The following CENPT variants were observed in gnomAD, a reference collection of about 807,000 sequenced individuals.
The protein encoded by CENPT is centromere protein T, also known as interphase centromere complex protein 22.
CENPT carries 42 observed loss-of-function variants against 59.7 expected under a neutral mutation model. The observed-to-expected ratio is 0.70, with a 90% CI of 0.55 to 0.91. The LOEUF (loss-of-function observed/expected upper bound fraction) is 0.91. Ranked by LOEUF, CENPT falls within the 40% of genes least tolerant of loss-of-function variation. The pLI, the probability that CENPT is intolerant of heterozygous loss-of-function variation, is 0.00. For missense variants in CENPT, 716 were observed against 713.4 expected, an observed-to-expected ratio of 1.00 and a Z score of -0.04; for synonymous variants, 295 against 289.6, an observed-to-expected ratio of 1.02 and a Z score of -0.19.
chr16:67,834,441 C>G (rs1260242511), intron 3 of CENPT, among the ~76,000 whole-genome samples: 4 of 152,010 alleles, frequency 2.6e-5, no homozygotes, highest in Non-Finnish European at 4.4e-5. Flanking sequence ...GACCCCTGCC[C>G]CCTGGTCTCT....
At chr16:67,846,870 A>T (rs1168847458) in intron 1 of CENPT, 1 of 152,106 alleles carries the variant, frequency 6.6e-6, no homozygotes, top group Non-Finnish European at 1.5e-5. Context: ...GGGCGGTGGG[A>T]CTGCGTCTCC....
chr16:67,844,523 A>C (rs145876374), intron 1 of CENPT, among the ~76,000 whole-genome samples: 2 of 152,194 alleles, frequency 1.3e-5, no homozygotes, highest in Non-Finnish European at 2.9e-5. Flanking sequence ...GAGGGTTTCA[A>C]TTCTCAGCTG....
intron 1 of CENPT, among the ~76,000 whole-genome samples, chr16:67,845,533 C>T (rs562793561): frequency 1.3e-5 from 2 of 152,224 alleles, no homozygotes; most frequent in Non-Finnish European, 2.9e-5. Context: ...GCCAGTCTCA[C>T]ATCTTCCCGG....
chr16:67,831,911 TCAGA>T (rs2057693858), intron 7 of CENPT, 21 bp from the exon 8 acceptor site: 2 of 1,608,524 alleles, frequency 1.2e-6, no homozygotes, highest in East Asian at 4.5e-5. Context: ...GGAGCTTATC[TCAGA>T]CAGGCCAGGA....
rs2057777364 is a variant in CENPT at position 67,843,198 on chromosome 16, C to G, written c.-492+4203G>C. On this transcript the variant is annotated intron_variant, in intron 1 of 15. Coordinates refer to ENST00000562787, the MANE Select transcript of CENPT (RefSeq NM_025082.4). This position sits in a 1 kb window ranked among gnomAD's most constrained non-coding sequence, Gnocchi z 5.7. Reference sequence around the variant, plus strand: ...GCCGCGTCGGAGTTACAGGCTGCTACCGCAGGGCTGGAGGCTGCCGAGTGC... The same window carrying G: ...GCCGCGTCGGAGTTACAGGCTGCTAGCGCAGGGCTGGAGGCTGCCGAGTGC... 6.2e-7 allele frequency: 1 copy of G among 1,611,460 alleles called. No individual in the cohort carries two copies. The highest frequency in any genetic ancestry group is 1.3e-5 in the African/African-American group (1 of 74,942).
Position 67,843,415 on chromosome 16 carries a change from C to T in CENPT, c.-492+3986G>A. 6.2e-7 allele frequency: 1 copy of T among 1,614,116 alleles called. No individual in the cohort carries two copies. Among genetic ancestry groups the T allele is most frequent in the Non-Finnish European group, 8.5e-7 (1 of 1,180,042 alleles). ...AAGGCAGCATTCGCCACCTGCGTCT[C>T]ACTGAGGCCAAGCTGCGCGAAGAAC... On this transcript the variant is annotated intron_variant, in intron 1 of 15. Coordinates refer to ENST00000562787, the MANE Select transcript of CENPT (RefSeq NM_025082.4). This position sits in a 1 kb window ranked among gnomAD's most constrained non-coding sequence, Gnocchi z 5.7.
intron 13 of CENPT, 156 bp downstream of exon 13, chr16:67,829,267 A>C: frequency 1.7e-6 from 1 of 583,418 alleles, no homozygotes; most frequent in Non-Finnish European, 2.9e-6. Flanking sequence ...CCAGGATGGC[A>C]GGGGTGCTCT....
rs905481562 is a variant in CENPT at position 67,843,111 on chromosome 16, A to G, written c.-492+4290T>C. 13 of 1,610,590 alleles carry G rather than the reference A, an allele frequency of 8.1e-6. No homozygotes were observed. Among genetic ancestry groups the G allele is most frequent in the Non-Finnish European group, 1.1e-5 (13 of 1,179,888 alleles). On this transcript the variant is annotated intron_variant, in intron 1 of 15. Transcript: ENST00000562787. The surrounding 1 kb of genome is among the most constrained non-coding windows in gnomAD (Gnocchi z 5.7). ...ATCACTCCCACTGGAGAAGACGTGA[A>G]GCCCATCGATCTCACAGTGCAAGTG...
rs118040247 is a variant in CENPT at position 67,828,234 on chromosome 16, G to C, written c.*33C>G. 334 of 1,550,204 alleles carry C rather than the reference G, an allele frequency of 2.2e-4. 3 individuals are homozygous for C. In the East Asian group the frequency reaches 7.4e-3, roughly 34 times the overall value. On this transcript the variant is annotated 3_prime_UTR_variant, in exon 16 of 16. Coordinates refer to ENST00000562787, the MANE Select transcript of CENPT (RefSeq NM_025082.4). ...AAATATGTGGGGGCAAGAGTCCCCAGGTGGGGACAGGGAAAGTGTTGAAGC... is the reference window on the plus strand; with the variant it reads ...AAATATGTGGGGGCAAGAGTCCCCACGTGGGGACAGGGAAAGTGTTGAAGC...
intron 13 of CENPT, chr16:67,829,128 A>C: frequency 3.9e-6 from 2 of 514,656 alleles, no homozygotes; most frequent in Admixed American, 7.6e-5. Flanking sequence ...TAGAATGGAT[A>C]GTCTCTCTCC....
In CENPT at chr16:67,831,605, T is replaced by C. The variant is rs962513990; in HGVS notation, c.531A>G (p.Gln177=). Residue 177 remains glutamine (Q), a synonymous_variant, in exon 9 of 16, where the codon CAA becomes CAG. Transcript: ENST00000562787. ...TGAGGGAAGAGGCATCAGCATTCCCTTGAGGCTCTGTCAGCAACCGGCAAG... is the reference window on the plus strand; with the variant it reads ...TGAGGGAAGAGGCATCAGCATTCCCCTGAGGCTCTGTCAGCAACCGGCAAG... ...DQGLSLSQEP[Q]GNADASSLTR... 2 of 1,614,122 alleles carry C rather than the reference T, an allele frequency of 1.2e-6. No homozygotes were observed. The highest frequency in any genetic ancestry group is 3.3e-5 in the Admixed American group (2 of 60,016).
Position 67,834,372 on chromosome 16 carries a change from C to T in CENPT, c.-241-272G>A, listed in dbSNP as rs533549986. 7.9e-5 allele frequency among the ~76,000 whole-genome samples: 12 copies of T among 152,320 alleles called. No individual in the cohort carries two copies. The South Asian group carries it at 2.1e-3, about 26-fold the overall frequency. The stretch of plus-strand genomic sequence containing the variant: ...CCTGTAATTCCAATACTTTAGGACA[C>T]CGAGGCGGGAGGATAGCTTGAGCTC... On this transcript the variant is annotated intron_variant, in intron 3 of 15. Coordinates refer to ENST00000562787, the MANE Select transcript of CENPT (RefSeq NM_025082.4).
rs2057717128 is a variant in CENPT, at chr16:67,833,840, T to C, written c.20A>G (p.Asp7Gly). The change falls in exon 4 of 16, where the codon GAC becomes GGC. Residue 7 changes from aspartate to glycine, a missense_variant. Coordinates refer to ENST00000562787, the MANE Select transcript of CENPT (RefSeq NM_025082.4). MADHNP[D>G]SDSTPRTLLR... ...CAGCGTGCGCGGCGTGGAGTCGCTG[T>C]CAGGGTTGTGGTCAGCCATCGTCTC... 1.3e-6 allele frequency: 2 copies of C among 1,568,386 alleles called. No homozygotes were observed. Among genetic ancestry groups the C allele is most frequent in the Non-Finnish European group, 1.7e-6 (2 of 1,159,854 alleles).
intron 8 of CENPT, 53 bp downstream of exon 8, chr16:67,831,701 C>G: frequency 6.2e-7 from 1 of 1,600,912 alleles, no homozygotes; most frequent in Non-Finnish European, 8.5e-7. Context: ...ACTCCTCAGC[C>G]TCTCCAGAGG....
At chr16:67,832,639 GT>G in intron 4 of CENPT, 94 bp from the exon 5 acceptor site, 1 of 1,159,352 alleles carries the variant, frequency 8.6e-7, no homozygotes, top group Non-Finnish European at 1.2e-6. Context: ...GTCTGGAGCC[GT>G]TTTCCCTCAG....
intron 1 of CENPT, among the ~76,000 whole-genome samples, chr16:67,845,533 C>A (rs562793561): frequency 6.6e-6 from 1 of 152,342 alleles, no homozygotes; most frequent in Non-Finnish European, 1.5e-5. Flanking sequence ...GCCAGTCTCA[C>A]ATCTTCCCGG....
In CENPT at chr16:67,842,472, C is replaced by T; in HGVS notation, c.-492+4929G>A. 1 of 1,159,052 alleles carries T rather than the reference C, an allele frequency of 8.6e-7. No homozygotes were observed. Among genetic ancestry groups the T allele is most frequent in the South Asian group, 3.3e-5 (1 of 30,108 alleles). 71.8% of individuals were successfully genotyped at this position (1,159,052 alleles called of 1,614,324 possible). On this transcript the variant is annotated intron_variant, in intron 1 of 15. Transcript: ENST00000562787. This position sits in a 1 kb window ranked among gnomAD's most constrained non-coding sequence, Gnocchi z 4.9. ...CAAGGCCTCGCGCGGCGCCGCCCGT[C>T]GAGGGGCGGGCGGCGGCGTAGCCAC...
Position 67,829,038 on chromosome 16 carries a change from T to C in CENPT, c.1281-195A>G, listed in dbSNP as rs963079687. 8 of 570,798 alleles carry C rather than the reference T, an allele frequency of 1.4e-5. No individual in the cohort carries two copies. The Admixed American group carries it at 2.5e-4, about 18-fold the overall frequency. The allele number at this position is 570,798 out of a possible 1,614,324, so 35.4% of individuals were successfully genotyped here. Reference sequence around the variant, plus strand: ...AGGCCAGTCTTTCCCTGGGGCTCTGTCCCTCCACAGTCGACTCGACATCCT... The same window carrying C: ...AGGCCAGTCTTTCCCTGGGGCTCTGCCCCTCCACAGTCGACTCGACATCCT... On this transcript the variant is annotated intron_variant, in intron 13 of 15. Coordinates refer to ENST00000562787, the MANE Select transcript of CENPT (RefSeq NM_025082.4).
At chr16:67,830,997 T>C in intron 10 of CENPT, 2 of 634,132 alleles carry the variant, frequency 3.2e-6, no homozygotes, top group Non-Finnish European at 5.5e-6. Flanking sequence ...CCTCCAGCCC[T>C]ATAGTCTAAG....
Sources: gnomAD v4.1 joint callset for allele counts (sites outside exome capture counted in the v4.1 genomes callset) on GRCh38, gnomAD v4.1.1 for gene constraint, Gnocchi (gnomAD v3.1) non-coding constraint, MANE v1.5 for transcripts, NCBI Gene and HGNC (gene_info 2026-07-23, HGNC 2026-07-21) for gene names.